DCLK1: variants seen among roughly 807,000 people sequenced by gnomAD.
DCLK1 encodes doublecortin like kinase 1, also known as serine/threonine-protein kinase DCLK1.
A neutral mutation model predicts 86.2 loss-of-function variants in DCLK1; 16 were observed. The observed-to-expected ratio is 0.19, with a 90% CI of 0.13 to 0.28. The LOEUF is 0.28. DCLK1 is among the 10% of genes least tolerant of loss of function. DCLK1 has a pLI of 1.00. For synonymous variants in DCLK1, 369 were observed against 370.5 expected (o/e 1.00, Z 0.05); for missense variants, 590 against 940.2 (o/e 0.63, Z 4.87).
intron 3 of DCLK1, among the ~76,000 whole-genome samples, chr13:36,105,821 T>C (rs1885373765): frequency 6.6e-6 from 1 of 152,194 alleles, no homozygotes; most frequent in Admixed American, 6.5e-5. Flanking sequence ...GTTTGTTTGT[T>C]GCAGGGATAA....
chr13:35,989,845 T>A (rs1185657502), intron 3 of DCLK1, among the ~76,000 whole-genome samples: 1 of 151,710 alleles, frequency 6.6e-6, no homozygotes, highest in African/African-American at 2.4e-5. Flanking sequence ...AGCCACCACA[T>A]CCAGCAAAAC....
chr13:35,976,591 C>T (rs1358056391), intron 3 of DCLK1, among the ~76,000 whole-genome samples: 2 of 125,556 alleles, frequency 1.6e-5, no homozygotes, highest in Non-Finnish European at 3.2e-5. Context: ...AGTGCAGTGG[C>T]GGGATCTCGG....
At chr13:36,051,456 T>G (rs527876623) in intron 3 of DCLK1, among the ~76,000 whole-genome samples, 1 of 152,322 alleles carries the variant, frequency 6.6e-6, no homozygotes, top group South Asian at 2.1e-4. Context: ...CAATTTTTTT[T>G]TATTTCTTTA....
chr13:35,883,765 G>C (rs1873059287), intron 4 of DCLK1, among the ~76,000 whole-genome samples: 1 of 152,314 alleles, frequency 6.6e-6, no homozygotes, highest in Non-Finnish European at 1.5e-5. Flanking sequence ...ACTTGGAGAT[G>C]ATGAGGAGAT....
chr13:35,871,162 C>G (rs929792819), intron 5 of DCLK1, 62 bp downstream of exon 5: 2 of 1,370,706 alleles, frequency 1.5e-6, no homozygotes, highest in Non-Finnish European at 2.1e-6. Flanking sequence ...GCTTCACACA[C>G]CCTCTGCTCA....
intron 16 of DCLK1, among the ~76,000 whole-genome samples, chr13:35,784,802 T>C (rs141373717): frequency 6.6e-6 from 1 of 152,204 alleles, no homozygotes; most frequent in East Asian, 1.9e-4. Flanking sequence ...CCGAGCAACC[T>C]GCAATGCATT....
chr13:36,067,571 A>T (rs929244670), intron 3 of DCLK1, among the ~76,000 whole-genome samples: 3 of 152,050 alleles, frequency 2.0e-5, no homozygotes, highest in Non-Finnish European at 2.9e-5. Flanking sequence ...TAATAAAATT[A>T]AAAAATAAAA....
At chr13:36,086,716 C>T (rs537359087) in intron 3 of DCLK1, among the ~76,000 whole-genome samples, 5 of 151,986 alleles carry the variant, frequency 3.3e-5, no homozygotes, top group Admixed American at 6.6e-5. Context: ...TGAGAACATG[C>T]GGTGTTTGGT....
rs202012649 is a variant in DCLK1 at position 35,805,699 on chromosome 13, A to G, written c.1944T>C (p.Asn648=). The G allele has an allele frequency of 1.6e-4, 263 of 1,613,194 alleles. No individual in the cohort carries two copies. The highest frequency in any genetic ancestry group is 2.1e-4 in the Non-Finnish European group (250 of 1,179,728). ...AVQVLEHPWV[N]DDGLPENEHQ... ...AAAGGAAATGGTGCGAGTCACTTAC[A>G]TTAACCCAGGGATGCTCAAGTACTT... The change falls in exon 15 of 17, where the codon AAT becomes AAC. Residue 648 remains asparagine, a splice_region_variant and synonymous_variant. Coordinates refer to ENST00000360631, the MANE Select transcript of DCLK1 (RefSeq NM_001330071.2).
rs528504200 is a variant in DCLK1 at position 35,937,163 on chromosome 13, C to T, written c.823+10195G>A. Reference sequence around the variant, plus strand: ...TTTTTTTTTGTATTTTTAGTAGATACGGGGTTTCATTGTGCTGGCCAGAAT... The same window carrying T: ...TTTTTTTTTGTATTTTTAGTAGATATGGGGTTTCATTGTGCTGGCCAGAAT... On this transcript the variant is annotated intron_variant, in intron 4 of 16. Coordinates refer to ENST00000360631, the MANE Select transcript of DCLK1 (RefSeq NM_001330071.2). Among the ~76,000 whole-genome samples, 69 of 150,726 alleles carry T rather than the reference C, an allele frequency of 4.6e-4. 1 individual carries two copies. Among genetic ancestry groups the T allele is most frequent in the Middle Eastern group, 3.4e-3 (1 of 292 alleles).
intron 15 of DCLK1, among the ~76,000 whole-genome samples, chr13:35,798,038 G>A (rs902648370): frequency 6.6e-6 from 1 of 152,192 alleles, no homozygotes; most frequent in Non-Finnish European, 1.5e-5. Context: ...TTCGACACAG[G>A]CTGGTTGTGG....
chr13:35,869,029 G>C (rs1330258553), intron 5 of DCLK1: 3 of 465,638 alleles, frequency 6.4e-6, no homozygotes, highest in African/African-American at 5.9e-5. Flanking sequence ...GACCTCAAGT[G>C]ATCCACCCCC....
chr13:35,928,303 G>A (rs1006874796), intron 4 of DCLK1, among the ~76,000 whole-genome samples: 5 of 152,068 alleles, frequency 3.3e-5, no homozygotes, highest in South Asian at 2.1e-4. Flanking sequence ...TCAGCACTGC[G>A]GCCTGCCTGC....
At chr13:36,008,046 A>G (rs1263583299) in intron 3 of DCLK1, among the ~76,000 whole-genome samples, 2 of 151,420 alleles carry the variant, frequency 1.3e-5, no homozygotes, top group Non-Finnish European at 2.9e-5. Context: ...TGAACAAAAT[A>G]TATTTCCAAT....
intron 11 of DCLK1, among the ~76,000 whole-genome samples, chr13:35,821,005 A>G (rs1322650888): frequency 6.6e-6 from 1 of 152,236 alleles, no homozygotes; most frequent in Non-Finnish European, 1.5e-5. Context: ...TACCTGACAC[A>G]TAGCAAGTAC....
intron 3 of DCLK1, among the ~76,000 whole-genome samples, chr13:35,962,384 T>A (rs1211791162): frequency 6.6e-6 from 1 of 152,186 alleles, no homozygotes; most frequent in Non-Finnish European, 1.5e-5. Context: ...GGTTGGAAGA[T>A]GCTTCCGTAA....
chr13:35,784,524 A>G (rs2086585125), intron 16 of DCLK1, among the ~76,000 whole-genome samples: 1 of 152,192 alleles, frequency 6.6e-6, no homozygotes, highest in Admixed American at 6.5e-5. Context: ...TTTTGAGCCT[A>G]TGGCCTAATA....
chr13:36,033,232 G>C (rs1258867554), intron 3 of DCLK1, among the ~76,000 whole-genome samples: 1 of 152,188 alleles, frequency 6.6e-6, no homozygotes, highest in Non-Finnish European at 1.5e-5. Flanking sequence ...TTCACATTAA[G>C]TCAGATATGA....
At chr13:35,790,575 T>C (rs1329320805) in intron 16 of DCLK1, among the ~76,000 whole-genome samples, 1 of 152,178 alleles carries the variant, frequency 6.6e-6, no homozygotes. Flanking sequence ...GGGGAGAGCG[T>C]ATATACCTAG....
Sources: allele counts gnomAD v4.1 joint callset (sites outside exome capture counted in the v4.1 genomes callset), GRCh38; gene constraint gnomAD v4.1.1; transcripts MANE v1.5; gene names NCBI Gene and HGNC (gene_info 2026-07-23, HGNC 2026-07-21).